Variants in ASTN2 observed in about 807,000 individuals in gnomAD.
ASTN2 encodes astrotactin 2, also known as astrotactin-2.
A neutral mutation model predicts 139.8 loss-of-function variants in ASTN2; 54 were observed. The observed-to-expected ratio is 0.39, with a 90% CI of 0.31 to 0.48. The LOEUF is 0.48. Ranked by LOEUF, ASTN2 falls within the 20% of genes least tolerant of loss-of-function variation. The pLI is 0.95. For missense variants in ASTN2, 1,565 were observed against 1,725.1 expected (o/e 0.91, Z 1.64); for synonymous variants, 756 against 719.5 (o/e 1.05, Z -0.81).
chr9:116,951,130 G>C (rs1227146605), intron 10 of ASTN2, among the ~76,000 whole-genome samples: 1 of 152,008 alleles, frequency 6.6e-6, no homozygotes, highest in Non-Finnish European at 1.5e-5. Flanking sequence ...CTGAGGTCTG[G>C]AGTTTGAGAC....
chr9:117,074,422 T>C (rs1170528902), intron 5 of ASTN2, among the ~76,000 whole-genome samples: 4 of 152,212 alleles, frequency 2.6e-5, no homozygotes, highest in Non-Finnish European at 5.9e-5. Flanking sequence ...CCAGACCTGC[T>C]GGGACATTTA....
At chr9:117,028,939 A>G (rs772939251) in intron 6 of ASTN2, among the ~76,000 whole-genome samples, 2 of 152,180 alleles carry the variant, frequency 1.3e-5, no homozygotes, top group Non-Finnish European at 2.9e-5. Flanking sequence ...CCTACATTTT[A>G]CAATGAAGAA....
chr9:117,351,050 C>T (rs996474154), intron 1 of ASTN2, among the ~76,000 whole-genome samples: 4 of 152,088 alleles, frequency 2.6e-5, no homozygotes, highest in African/African-American at 9.7e-5. Flanking sequence ...TCCTTGCACC[C>T]TCAACGTCTA....
At chr9:116,831,729 AAAG>A (rs917951322) in intron 11 of ASTN2, among the ~76,000 whole-genome samples, 1 of 152,200 alleles carries the variant, frequency 6.6e-6, no homozygotes, top group African/African-American at 2.4e-5. Context: ...TTCTTTTTCA[AAAG>A]AAGTTTTGGC....
At chr9:117,287,853 A>T (rs529718137) in intron 2 of ASTN2, among the ~76,000 whole-genome samples, 1 of 152,164 alleles carries the variant, frequency 6.6e-6, no homozygotes, top group Non-Finnish European at 1.5e-5. Flanking sequence ...ATTAGGCACC[A>T]TTGTATGTTT....
chr9:116,510,557 C>A (rs1433053114), intron 19 of ASTN2, among the ~76,000 whole-genome samples: 1 of 152,068 alleles, frequency 6.6e-6, no homozygotes, highest in Non-Finnish European at 1.5e-5. Flanking sequence ...TGGTAGCTTG[C>A]TGGGGATAGC....
At chr9:116,732,470 G>A (rs901434800) in intron 14 of ASTN2, among the ~76,000 whole-genome samples, 1 of 152,158 alleles carries the variant, frequency 6.6e-6, no homozygotes, top group Admixed American at 6.5e-5. Flanking sequence ...AGATTGTGGG[G>A]TCTTCCCTGG....
At chr9:116,613,269 G>A (rs1050215561) in intron 19 of ASTN2, 4 of 152,156 alleles carry the variant, frequency 2.6e-5, no homozygotes, top group African/African-American at 9.7e-5. Context: ...AGGACCAGAT[G>A]GATTCACAGC....
intron 4 of ASTN2, among the ~76,000 whole-genome samples, chr9:117,096,529 T>C (rs1033213375): frequency 5.3e-5 from 8 of 152,202 alleles, no homozygotes; most frequent in Admixed American, 3.3e-4. Flanking sequence ...ATTGTTGCTT[T>C]TGGTGATAAG....
chr9:116,914,417 T>C (rs1834388807), intron 10 of ASTN2, among the ~76,000 whole-genome samples: 1 of 152,090 alleles, frequency 6.6e-6, no homozygotes, highest in African/African-American at 2.4e-5. Context: ...CTTTTGGTCA[T>C]GTAAGTCAAT....
chr9:116,906,456 C>G (rs901210775), intron 10 of ASTN2, among the ~76,000 whole-genome samples: 18 of 152,266 alleles, frequency 1.2e-4, no homozygotes, highest in Non-Finnish European at 2.4e-4. Context: ...TTCCAGCCCC[C>G]CCAGACACTT....
At chr9:117,037,743 A>G (rs532216730) in intron 6 of ASTN2, among the ~76,000 whole-genome samples, 2 of 152,318 alleles carry the variant, frequency 1.3e-5, no homozygotes, top group East Asian at 3.9e-4. Flanking sequence ...TGCATTCTGT[A>G]GAATTTAATA....
intron 22 of ASTN2, among the ~76,000 whole-genome samples, chr9:116,429,360 A>AAAAAAG (rs57088669): frequency 1.6e-4 from 24 of 148,738 alleles, no homozygotes; most frequent in African/African-American, 3.2e-4. Flanking sequence ...AAAAAAAAAA[A>AAAAAAG]GTAACCAAGT....
At chr9:117,166,531 C>T (rs1830673982) in intron 3 of ASTN2, among the ~76,000 whole-genome samples, 1 of 152,134 alleles carries the variant, frequency 6.6e-6, no homozygotes, top group Non-Finnish European at 1.5e-5. Context: ...TTGCTGCTAT[C>T]TATTCCTTTG....
rs560712840 is a variant in ASTN2 at position 117,008,505 on chromosome 9, T to A, written c.1424-246A>T. On this transcript the variant is annotated intron_variant, in intron 6 of 22. Transcript: ENST00000313400. The stretch of plus-strand genomic sequence containing the variant: ...CCTTAGGACTGAGAGGGAAGTAGGG[T>A]CAAATTCAGAATCTGCCCTTACTAG... Among the ~76,000 whole-genome samples, 3 of 152,108 alleles carry A rather than the reference T, an allele frequency of 2.0e-5. 1 individual carries two copies. In the South Asian group the frequency reaches 6.2e-4, roughly 32 times the overall value.
intron 2 of ASTN2, among the ~76,000 whole-genome samples, chr9:117,280,020 T>C (rs751703034): frequency 1.2e-4 from 19 of 152,234 alleles, no homozygotes; most frequent in Non-Finnish European, 2.5e-4. Context: ...TTGCATTTAG[T>C]TGTCATATCT....
At chr9:117,170,478 G>C (rs1307171686) in intron 3 of ASTN2, among the ~76,000 whole-genome samples, 1 of 152,152 alleles carries the variant, frequency 6.6e-6, no homozygotes, top group Non-Finnish European at 1.5e-5. Flanking sequence ...CATGAAGCAT[G>C]CTTTCTAATG....
chr9:117,012,860 G>A (rs531177459), intron 6 of ASTN2, among the ~76,000 whole-genome samples: 1 of 152,338 alleles, frequency 6.6e-6, no homozygotes, highest in East Asian at 1.9e-4. Context: ...TATGTGCTGT[G>A]CTAGAGTGTC....
At chr9:117,266,912 G>T (rs751000475) in intron 2 of ASTN2, among the ~76,000 whole-genome samples, 1 of 152,104 alleles carries the variant, frequency 6.6e-6, no homozygotes, top group Non-Finnish European at 1.5e-5. Context: ...CTAGGAGGTG[G>T]ATCTTAATCC....
Sources: allele counts gnomAD v4.1 joint callset (sites outside exome capture counted in the v4.1 genomes callset), GRCh38; gene constraint gnomAD v4.1.1; transcripts MANE v1.5; gene names NCBI Gene and HGNC (gene_info 2026-07-23, HGNC 2026-07-21).